The following SEPTIN14 variants were observed in gnomAD, a reference collection of about 807,000 sequenced individuals.
SEPTIN14 encodes the protein septin 14, also known as septin-14.
In SEPTIN14, 40 loss-of-function variants were observed where a neutral mutation model predicts 53.6. The ratio of observed to expected loss-of-function variants is 0.75; its 90% CI spans 0.58 to 0.97. The LOEUF (loss-of-function observed/expected upper bound fraction) is 0.97, where lower values mean the gene tolerates loss of function less well. Ranked by LOEUF, SEPTIN14 falls within the 50% of genes least tolerant of loss-of-function variation. The pLI, the probability that SEPTIN14 is intolerant of heterozygous loss-of-function variation, is 0.00. For missense variants in SEPTIN14, 471 were observed against 508.2 expected (o/e 0.93, Z 0.70); for synonymous variants, 138 against 166.8 (o/e 0.83, Z 1.33).
At chr7:55,809,043 G>GA (rs1788652453) in intron 7 of SEPTIN14, among the ~76,000 whole-genome samples, 1 of 152,054 alleles carries the variant, frequency 6.6e-6, no homozygotes, top group Non-Finnish European at 1.5e-5. Context: ...ACTGGATAGA[G>GA]AAAATGAACA....
In SEPTIN14 at chr7:55,834,588, T is replaced by A. The variant is rs1789170641; in HGVS notation, c.559-2A>T. ...GGCAATCAGTGGTATAATATTCACC[T>A]ATGAAGAAAGAAGACAAACAAAATC... On this transcript the variant is annotated splice_acceptor_variant, in intron 5 of 9. Transcript: ENST00000388975. LOFTEE classifies it high-confidence loss of function. The A allele has an allele frequency of 6.3e-7, 1 of 1,581,238 alleles. No individual in the cohort carries two copies. Among genetic ancestry groups the A allele is most frequent in the African/African-American group, 1.4e-5 (1 of 73,176 alleles).
At position 55,843,108 on chromosome 7, in the gene SEPTIN14, T is replaced by C. The variant is rs1584269002; in HGVS notation, c.392A>G (p.Tyr131Cys). 1.9e-6 allele frequency: 3 copies of C among 1,589,050 alleles called. No individual in the cohort carries two copies. The Admixed American group carries it at 5.8e-5, about 31-fold the overall frequency. ...ATAGGCCTCAAATTGGGCATCTATGTAGTCAACTATTGGTTGGTAGCTAAA... is the reference window on the plus strand; with the variant it reads ...ATAGGCCTCAAATTGGGCATCTATGCAGTCAACTATTGGTTGGTAGCTAAA... Reference protein sequence around the residue: ...KEASYQPIVDYIDAQFEAYLQ... With the variant: ...KEASYQPIVDCIDAQFEAYLQ... Residue 131 changes from tyrosine (Y) to cysteine (C), a missense_variant, in exon 5 of 10, where the codon TAC (tyrosine) becomes TGC (cysteine). Physicochemically the swap from Tyr to Cys is radical, Grantham distance 194. Transcript: ENST00000388975.
intron 9 of SEPTIN14, among the ~76,000 whole-genome samples, chr7:55,805,001 T>C (rs1435183475): frequency 1.3e-5 from 2 of 152,094 alleles, no homozygotes; most frequent in Admixed American, 1.3e-4. Flanking sequence ...TGCATGAAAA[T>C]TTAAATTATA....
chr7:55,822,241 G>GA (rs1292212972), intron 6 of SEPTIN14, among the ~76,000 whole-genome samples: 2 of 151,916 alleles, frequency 1.3e-5, no homozygotes, highest in Middle Eastern at 3.2e-3. Flanking sequence ...AAACTCTATT[G>GA]AAAAAATCAG....
intron 6 of SEPTIN14, among the ~76,000 whole-genome samples, chr7:55,828,844 G>A (rs893819121): frequency 3.3e-5 from 5 of 152,072 alleles, no homozygotes; most frequent in East Asian, 1.9e-4. Context: ...CGAGCTTCTC[G>A]TATCTGGATG....
intron 8 of SEPTIN14, among the ~76,000 whole-genome samples, chr7:55,806,516 T>G (rs1315126323): frequency 6.6e-6 from 1 of 151,188 alleles, no homozygotes; most frequent in Non-Finnish European, 1.5e-5. Flanking sequence ...ACGCTGGAAG[T>G]GCAGTGAGGT....
At chr7:55,851,241 C>T (rs997936286) in intron 2 of SEPTIN14, among the ~76,000 whole-genome samples, 26 of 152,114 alleles carry the variant, frequency 1.7e-4, no homozygotes, top group Admixed American at 1.5e-3. Flanking sequence ...AATGTAATCA[C>T]CATCATGATC....
At chr7:55,838,590 T>C (rs1789250847) in intron 5 of SEPTIN14, among the ~76,000 whole-genome samples, 1 of 144,304 alleles carries the variant, frequency 6.9e-6, no homozygotes, top group Non-Finnish European at 1.5e-5. Flanking sequence ...TCGCTCTCTT[T>C]TCTTTCAACG....
intron 6 of SEPTIN14, among the ~76,000 whole-genome samples, chr7:55,830,613 G>C (rs1469111723): frequency 6.6e-6 from 1 of 150,518 alleles, no homozygotes; most frequent in Non-Finnish European, 1.5e-5. Flanking sequence ...AAAGTGCTGA[G>C]ATTACAGGGG....
chr7:55,843,305 T>C (rs1355635403), intron 4 of SEPTIN14, among the ~76,000 whole-genome samples, 177 bp from the exon 5 acceptor site: 1 of 152,204 alleles, frequency 6.6e-6, no homozygotes, highest in African/African-American at 2.4e-5. Flanking sequence ...GCTCATGCTT[T>C]ACTCTATGGT....
chr7:55,852,570 G>A (rs1789538172), intron 2 of SEPTIN14, among the ~76,000 whole-genome samples: 1 of 152,096 alleles, frequency 6.6e-6, no homozygotes, highest in Non-Finnish European at 1.5e-5. Context: ...TCTAAGCTGT[G>A]AAACTATGAA....
intron 2 of SEPTIN14, among the ~76,000 whole-genome samples, chr7:55,856,414 T>A (rs1214765886): frequency 1.3e-5 from 2 of 151,806 alleles, no homozygotes; most frequent in African/African-American, 4.8e-5. Context: ...TTTTTTGATA[T>A]GGAATCTTGC....
intron 9 of SEPTIN14, among the ~76,000 whole-genome samples, chr7:55,800,913 G>C (rs1369455346): frequency 3.9e-5 from 6 of 152,032 alleles, no homozygotes; most frequent in Non-Finnish European, 8.8e-5. Context: ...ATTACACATT[G>C]TATGCCTATA....
intron 6 of SEPTIN14, among the ~76,000 whole-genome samples, chr7:55,828,542 G>A (rs866842004): frequency 6.6e-6 from 1 of 152,062 alleles, no homozygotes; most frequent in African/African-American, 2.4e-5. Flanking sequence ...CTGACCTCGT[G>A]ATCCGCCCAT....
chr7:55,841,517 C>T (rs946602512), intron 5 of SEPTIN14, among the ~76,000 whole-genome samples: 2 of 151,798 alleles, frequency 1.3e-5, no homozygotes, highest in Non-Finnish European at 2.9e-5. Context: ...GTCAGGAGTT[C>T]AAGACCAGCC....
At chr7:55,818,254 C>T (rs73354512) in intron 7 of SEPTIN14, among the ~76,000 whole-genome samples, 31,380 of 151,772 alleles carry the variant, frequency 0.21, 4,242 homozygotes, top group East Asian at 0.43. Flanking sequence ...GGTGGATCAC[C>T]GGAGGTCAGG....
chr7:55,828,907 G>T (rs1297323067), intron 6 of SEPTIN14, among the ~76,000 whole-genome samples: 1 of 151,932 alleles, frequency 6.6e-6, no homozygotes, highest in Non-Finnish European at 1.5e-5. Context: ...CCTCAAATAT[G>T]TTTCCAATCT....
chr7:55,851,801 G>A (rs896879821), intron 2 of SEPTIN14, among the ~76,000 whole-genome samples: 5 of 152,028 alleles, frequency 3.3e-5, no homozygotes, highest in Non-Finnish European at 5.9e-5. Flanking sequence ...GAGGTCAGGA[G>A]ATCAAGACCA....
At position 55,795,656 on chromosome 7, in the gene SEPTIN14, C is replaced by T. The variant is rs367925689; in HGVS notation, c.*257G>A. The T allele has an allele frequency of 2.4e-5, 10 of 417,630 alleles. No individual in the cohort carries two copies. Among genetic ancestry groups the T allele is most frequent in the East Asian group, 5.5e-5 (1 of 18,256 alleles). 25.9% of individuals were successfully genotyped at this position (417,630 alleles called of 1,614,324 possible). On this transcript the variant is annotated 3_prime_UTR_variant, in exon 10 of 10. Coordinates refer to ENST00000388975, the MANE Select transcript of SEPTIN14 (RefSeq NM_207366.3). ...CTAATTTTTGTATTTTTAGTAGAGG[C>T]AGGGTTTCATCATTTTGGTCAGGCT...
Sources: gnomAD v4.1 joint callset for allele counts (sites outside exome capture counted in the v4.1 genomes callset) on GRCh38, gnomAD v4.1.1 for gene constraint, MANE v1.5 for transcripts, NCBI Gene and HGNC (gene_info 2026-07-23, HGNC 2026-07-21) for gene names.